NHSL3: variants seen among roughly 807,000 people sequenced by gnomAD.
NHSL3 encodes NHS-like protein 3.
chr1:32,767,965 T>C, the NHSL3 span: 4 of 1,612,198 alleles, frequency 2.5e-6, no homozygotes, highest in East Asian at 8.9e-5. Context: ...AAGGTAAGCT[T>C]CCTCTCCACT....
the NHSL3 span, among the ~76,000 whole-genome samples, chr1:32,751,210 C>T: frequency 6.6e-6 from 1 of 152,200 alleles, no homozygotes; most frequent in Non-Finnish European, 1.5e-5. Flanking sequence ...TACTTCTTCC[C>T]ACCAGTCCTA....
the NHSL3 span, chr1:32,765,682 A>G: frequency 6.1e-4 from 939 of 1,538,478 alleles, 10 homozygotes; most frequent in East Asian, 0.02. Context: ...GCATCCCCAT[A>G]GTGCTGGGTT....
chr1:32,762,556 G>A, the NHSL3 span, among the ~76,000 whole-genome samples: 3 of 151,068 alleles, frequency 2.0e-5, no homozygotes, highest in African/African-American at 7.3e-5. Context: ...TCGAACTCCT[G>A]GGCTCAAGCC....
the NHSL3 span, among the ~76,000 whole-genome samples, chr1:32,749,278 C>T: frequency 1.3e-5 from 2 of 152,166 alleles, no homozygotes; most frequent in Non-Finnish European, 2.9e-5. Flanking sequence ...ATCTGGGGTT[C>T]CGTGGGATCC....
At chr1:32,748,840 C>T in the NHSL3 span, among the ~76,000 whole-genome samples, 2 of 152,084 alleles carry the variant, frequency 1.3e-5, no homozygotes, top group Non-Finnish European at 2.9e-5. Context: ...TTTGGCTTCC[C>T]AGAAATGTAA....
At chr1:32,753,981 C>A in the NHSL3 span, 1 of 371,850 alleles carries the variant, frequency 2.7e-6, no homozygotes, top group Non-Finnish European at 4.9e-6. Flanking sequence ...GCTGGGGGCG[C>A]CCGCGGTGCC....
chr1:32,764,262 TA>T, the NHSL3 span, among the ~76,000 whole-genome samples: 1 of 143,108 alleles, frequency 7.0e-6, no homozygotes, highest in Non-Finnish European at 1.5e-5. Flanking sequence ...GAGTCTTCAC[TA>T]CCCAAAATTA....
At chr1:32,772,494 A>T in the NHSL3 span, 278 of 1,503,574 alleles carry the variant, frequency 1.8e-4, no homozygotes, top group East Asian at 5.4e-3. Flanking sequence ...GGGAAGTAGG[A>T]ATCTGAAGTC....
the NHSL3 span, among the ~76,000 whole-genome samples, chr1:32,757,837 AGAAGGGTGTCATCTTATGACACCC>A: frequency 6.6e-6 from 1 of 152,206 alleles, no homozygotes; most frequent in East Asian, 1.9e-4. Context: ...GTTTAGGAAT[AGAAGGGTGTCATCTTATGACACCC>A]TGCACGTCCT....
the NHSL3 span, among the ~76,000 whole-genome samples, chr1:32,749,433 G>C: frequency 2.6e-5 from 4 of 152,168 alleles, no homozygotes; most frequent in Non-Finnish European, 5.9e-5. Flanking sequence ...CCAGAGATGG[G>C]CATCTCCGGA....
chr1:32,754,291 G>A, the NHSL3 span: 6 of 579,720 alleles, frequency 1.0e-5, no homozygotes, highest in Non-Finnish European at 1.9e-5. Flanking sequence ...TGGGGGGGTC[G>A]GGAATCCCCG....
At chr1:32,750,090 G>A in the NHSL3 span, among the ~76,000 whole-genome samples, 1 of 152,308 alleles carries the variant, frequency 6.6e-6, no homozygotes, top group Middle Eastern at 3.4e-3. Context: ...TGGTGGGGTT[G>A]GAGGAGCAGG....
the NHSL3 span, among the ~76,000 whole-genome samples, chr1:32,754,928 C>A: frequency 1.3e-5 from 2 of 152,056 alleles, no homozygotes; most frequent in Admixed American, 6.5e-5. Context: ...CCGCCTCCCC[C>A]CCTCCCCCGT....
the NHSL3 span, among the ~76,000 whole-genome samples, chr1:32,750,801 C>A: frequency 7.0e-6 from 1 of 143,278 alleles, no homozygotes; most frequent in Non-Finnish European, 1.5e-5. Flanking sequence ...CCACAGCGCC[C>A]GGCCCCTTTT....
At chr1:32,756,470 ACCCCCCCCC>A in the NHSL3 span, among the ~76,000 whole-genome samples, 1 of 50,490 alleles carries the variant, frequency 2.0e-5, no homozygotes, top group Admixed American at 3.4e-4. Flanking sequence ...ACATGACGAG[ACCCCCCCCC>A]CCCGCCCATT....
chr1:32,774,816 A>G, the NHSL3 span: 3 of 152,536 alleles, frequency 2.0e-5, no homozygotes, highest in Non-Finnish European at 4.4e-5. Context: ...ATTTCCATAA[A>G]ATGTTAGAAG....
the NHSL3 span, among the ~76,000 whole-genome samples, chr1:32,760,955 G>C: frequency 1.3e-5 from 2 of 152,158 alleles, no homozygotes; most frequent in East Asian, 3.9e-4. Flanking sequence ...CCTGCTGCCT[G>C]AGTCTCTGCC....
chr1:32,753,892 C>G, the NHSL3 span: 1 of 206,718 alleles, frequency 4.8e-6, no homozygotes, highest in Non-Finnish European at 9.8e-6. Context: ...ACGGGATGCG[C>G]GCCAGGCCCC....
At chr1:32,752,946 CACACATATATATAT>C in the NHSL3 span, among the ~76,000 whole-genome samples, 1,505 of 24,092 alleles carry the variant, frequency 0.062, 67 homozygotes, top group South Asian at 0.074. Context: ...CACACACACA[CACACATATATATAT>C]ATATATATTT....
Sources: gnomAD v4.1 joint callset for allele counts (sites outside exome capture counted in the v4.1 genomes callset) on GRCh38, gnomAD v4.1.1 for gene constraint, MANE v1.5 for transcripts, NCBI Gene and HGNC (gene_info 2026-07-23, HGNC 2026-07-21) for gene names.